The following WDR7 variants were observed in gnomAD, a reference collection of about 807,000 sequenced individuals.
WDR7 encodes WD repeat-containing protein 7.
Under a neutral mutation model 169.4 loss-of-function variants are expected in WDR7, and 46 were observed. That is an observed-to-expected ratio of 0.27 (90% confidence interval 0.21 to 0.35). The LOEUF is 0.35. Among genes scored for constraint, WDR7 ranks in the 10% least tolerant of loss-of-function variants. The pLI is 1.00. For synonymous variants in WDR7, 612 were observed against 666.8 expected (o/e 0.92, Z 1.27); for missense variants, 1,534 against 1,859.3 (o/e 0.83, Z 3.22).
chr18:56,799,604 C>T (rs4121), intron 19 of WDR7, among the ~76,000 whole-genome samples: 1 of 152,018 alleles, frequency 6.6e-6, no homozygotes, highest in African/African-American at 2.4e-5. Flanking sequence ...GTATGTACCA[C>T]GCACAGTTTC....
intron 20 of WDR7, among the ~76,000 whole-genome samples, chr18:56,835,011 A>C (rs1465758270): frequency 1.3e-5 from 2 of 152,176 alleles, no homozygotes; most frequent in Non-Finnish European, 2.9e-5. Context: ...CTTCTGCAGC[A>C]CAAGGGTAGG....
At chr18:56,718,982 C>T (rs1032758660) in intron 13 of WDR7, among the ~76,000 whole-genome samples, 3 of 152,174 alleles carry the variant, frequency 2.0e-5, no homozygotes, top group African/African-American at 7.2e-5. Context: ...GAATAAATAG[C>T]CATAAGCTTC....
At chr18:56,694,485 T>TAATC in intron 9 of WDR7, 134 bp from the exon 10 acceptor site, 1 of 742,302 alleles carries the variant, frequency 1.3e-6, no homozygotes. Flanking sequence ...TATTGTTGAA[T>TAATC]AATCATGCTA....
intron 1 of WDR7, among the ~76,000 whole-genome samples, chr18:56,652,776 A>G (rs1483795143): frequency 6.6e-6 from 1 of 152,134 alleles, no homozygotes; most frequent in African/African-American, 2.4e-5. Context: ...GAAAAATGAG[A>G]GTATGCCCTT....
At chr18:56,706,195 G>A (rs552087271) in intron 12 of WDR7, among the ~76,000 whole-genome samples, 1 of 152,262 alleles carries the variant, frequency 6.6e-6, no homozygotes, top group African/African-American at 2.4e-5. Context: ...TGACAAGCTG[G>A]TAAAATGAAA....
chr18:56,700,441 G>A (rs140947097), intron 12 of WDR7, among the ~76,000 whole-genome samples: 1 of 151,344 alleles, frequency 6.6e-6, no homozygotes, highest in Non-Finnish European at 1.5e-5. Flanking sequence ...ATTTTTAGTA[G>A]AGACAGGGTT....
chr18:56,982,965 A>T (rs1049185148), intron 26 of WDR7, among the ~76,000 whole-genome samples: 2 of 152,222 alleles, frequency 1.3e-5, no homozygotes, highest in Admixed American at 1.3e-4. Flanking sequence ...AAAATAGGCA[A>T]ATCAACCAGC....
At chr18:56,746,969 C>G (rs1335100025) in intron 14 of WDR7, among the ~76,000 whole-genome samples, 1 of 152,200 alleles carries the variant, frequency 6.6e-6, no homozygotes, top group South Asian at 2.1e-4. Context: ...CTCAAAACCA[C>G]TGCTCTATAT....
At chr18:56,852,041 G>A (rs547946128) in intron 20 of WDR7, among the ~76,000 whole-genome samples, 12 of 152,100 alleles carry the variant, frequency 7.9e-5, no homozygotes, top group Non-Finnish European at 1.3e-4. Context: ...GACCTTCTCT[G>A]CTGTTAGTTC....
intron 19 of WDR7, among the ~76,000 whole-genome samples, chr18:56,805,281 C>G (rs1305418246): frequency 5.3e-5 from 8 of 151,984 alleles, no homozygotes; most frequent in Admixed American, 5.2e-4. Context: ...TACTTCCTAA[C>G]ATGATGTAAC....
intron 22 of WDR7, among the ~76,000 whole-genome samples, chr18:56,933,314 C>G (rs754931030): frequency 6.6e-6 from 1 of 152,156 alleles, no homozygotes; most frequent in African/African-American, 2.4e-5. Context: ...CAGTAGTTCA[C>G]GAGCCTGGTT....
At chr18:56,742,487 T>C (rs1232643577) in intron 14 of WDR7, among the ~76,000 whole-genome samples, 1 of 152,230 alleles carries the variant, frequency 6.6e-6, no homozygotes, top group Non-Finnish European at 1.5e-5. Context: ...ATAGAAGTTT[T>C]CAAACTTCTT....
intron 14 of WDR7, among the ~76,000 whole-genome samples, chr18:56,744,790 A>G (rs2043677283): frequency 6.6e-6 from 1 of 152,150 alleles, no homozygotes; most frequent in Admixed American, 6.5e-5. Context: ...GTTCCCACCT[A>G]CAGGTTACAG....
At chr18:56,836,690 AG>A (rs2045402085) in intron 20 of WDR7, among the ~76,000 whole-genome samples, 2 of 152,204 alleles carry the variant, frequency 1.3e-5, no homozygotes, top group Non-Finnish European at 2.9e-5. Context: ...ATGAACACAA[AG>A]GATGATTTTA....
intron 26 of WDR7, among the ~76,000 whole-genome samples, chr18:56,995,871 A>G (rs1205910599): frequency 1.3e-5 from 2 of 152,090 alleles, no homozygotes; most frequent in Non-Finnish European, 2.9e-5. Flanking sequence ...TGTCATGGAG[A>G]TAGAATGGGG....
chr18:56,943,270 A>G (rs923656185), intron 25 of WDR7, among the ~76,000 whole-genome samples: 3 of 152,242 alleles, frequency 2.0e-5, no homozygotes, highest in African/African-American at 2.4e-5. Flanking sequence ...GGAAACTCCA[A>G]AGTCAATGGC....
chr18:56,969,355 G>A (rs1052937047), intron 26 of WDR7, among the ~76,000 whole-genome samples: 2 of 152,116 alleles, frequency 1.3e-5, no homozygotes, highest in Non-Finnish European at 2.9e-5. Context: ...CAAGACCTTT[G>A]AGATTCTGGT....
intron 25 of WDR7, among the ~76,000 whole-genome samples, chr18:56,949,021 A>G (rs2047144607): frequency 6.6e-6 from 1 of 152,128 alleles, no homozygotes; most frequent in South Asian, 2.1e-4. Flanking sequence ...CCTACTGTCC[A>G]GTCCATCCTT....
intron 5 of WDR7, among the ~76,000 whole-genome samples, chr18:56,683,474 T>A (rs1212462863): frequency 1.3e-5 from 2 of 152,190 alleles, no homozygotes; most frequent in Non-Finnish European, 2.9e-5. Flanking sequence ...ATTCTTTTAC[T>A]TTCAAATGGC....
Sources: gnomAD v4.1 joint callset for allele counts (sites outside exome capture counted in the v4.1 genomes callset) on GRCh38, gnomAD v4.1.1 for gene constraint, MANE v1.5 for transcripts, NCBI Gene and HGNC (gene_info 2026-07-23, HGNC 2026-07-21) for gene names.